Variants in PRKAG2 observed in about 807,000 individuals in gnomAD.
PRKAG2 encodes the protein 5'-AMP-activated protein kinase subunit gamma-2.
Under a neutral mutation model 69.6 loss-of-function variants are expected in PRKAG2, and 26 were observed. The observed-to-expected ratio is 0.37, with a 90% CI of 0.27 to 0.52. The LOEUF is 0.52. PRKAG2 is among the 20% of genes least tolerant of loss of function. The probability of loss-of-function intolerance (pLI) is 0.90; values close to 1 mark genes in which losing one functional copy is unlikely to be tolerated. For synonymous variants in PRKAG2, 293 were observed against 285.0 expected (o/e 1.03, Z -0.28); for missense variants, 557 against 740.0 (o/e 0.75, Z 2.87).
At chr7:151,717,169 C>A in intron 3 of PRKAG2, among the ~76,000 whole-genome samples, 1 of 151,600 alleles carries the variant, frequency 6.6e-6, no homozygotes, top group East Asian at 1.9e-4. Context: ...ATTGCTTAAG[C>A]CCGGGAGGTG....
intron 2 of PRKAG2, among the ~76,000 whole-genome samples, chr7:151,784,789 G>A (rs995712033): frequency 6.6e-6 from 1 of 152,226 alleles, no homozygotes; most frequent in Admixed American, 6.5e-5. Context: ...CGGGCATCCA[G>A]GGATCAGGCC....
At chr7:151,580,584 T>G (rs1314174475) in intron 6 of PRKAG2, among the ~76,000 whole-genome samples, 1 of 152,230 alleles carries the variant, frequency 6.6e-6, no homozygotes, top group African/African-American at 2.4e-5. Context: ...ATACATTTTT[T>G]GCATTGTTTG....
chr7:151,757,458 G>A (rs1000040839), intron 3 of PRKAG2, among the ~76,000 whole-genome samples: 2 of 152,176 alleles, frequency 1.3e-5, no homozygotes, highest in African/African-American at 4.8e-5. Flanking sequence ...CACAGTGCCC[G>A]CTCCAGGGTG....
intron 1 of PRKAG2, among the ~76,000 whole-genome samples, chr7:151,824,225 G>C (rs1313596454): frequency 6.6e-6 from 1 of 152,180 alleles, no homozygotes; most frequent in Non-Finnish European, 1.5e-5. Context: ...GACTTGGAAA[G>C]CTTCTTAGCT....
intron 1 of PRKAG2, among the ~76,000 whole-genome samples, chr7:151,787,298 G>A (rs999360397): frequency 4.6e-5 from 7 of 152,118 alleles, no homozygotes; most frequent in South Asian, 2.1e-4. Flanking sequence ...CTGTGTAGCC[G>A]TCACCACTGT....
intron 5 of PRKAG2, chr7:151,631,855 T>A: frequency 2.0e-6 from 1 of 493,362 alleles, no homozygotes; most frequent in Non-Finnish European, 3.8e-6. Context: ...GGAGCCTGGC[T>A]CGCGTCCCCT....
At chr7:151,689,589 G>A (rs1835332239) in intron 3 of PRKAG2, among the ~76,000 whole-genome samples, 1 of 152,178 alleles carries the variant, frequency 6.6e-6, no homozygotes, top group Non-Finnish European at 1.5e-5. Flanking sequence ...GACCGTCTGT[G>A]AGTGTGGTTC....
At chr7:151,572,814 C>T (rs1807906388) in intron 8 of PRKAG2, 105 bp from the exon 9 acceptor site, 1 of 764,506 alleles carries the variant, frequency 1.3e-6, no homozygotes, top group African/African-American at 1.8e-5. Flanking sequence ...TTTCTATTCG[C>T]AATTAGAAAA....
At chr7:151,652,703 G>A (rs530753698) in intron 4 of PRKAG2, among the ~76,000 whole-genome samples, 6 of 152,010 alleles carry the variant, frequency 3.9e-5, no homozygotes, top group South Asian at 2.1e-4. Flanking sequence ...TGGCATGATC[G>A]GGCTCACTGC....
At chr7:151,805,522 G>T (rs2078057805) in intron 1 of PRKAG2, among the ~76,000 whole-genome samples, 1 of 152,186 alleles carries the variant, frequency 6.6e-6, no homozygotes, top group African/African-American at 2.4e-5. Context: ...AGGTGATCTT[G>T]TGACTATGTA....
intron 4 of PRKAG2, among the ~76,000 whole-genome samples, chr7:151,656,185 T>C (rs1829385715): frequency 6.6e-6 from 1 of 152,222 alleles, no homozygotes; most frequent in Non-Finnish European, 1.5e-5. Flanking sequence ...ATCTAATGAA[T>C]GAGTCACGAA....
At chr7:151,558,668 TC>T (rs1804294957) in intron 15 of PRKAG2, 1 of 982,964 alleles carries the variant, frequency 1.0e-6, no homozygotes, top group Non-Finnish European at 1.2e-6. Flanking sequence ...CCTCAACAAA[TC>T]GTGTTGTATA....
intron 5 of PRKAG2, among the ~76,000 whole-genome samples, chr7:151,610,911 C>T (rs1421822683): frequency 1.3e-5 from 2 of 151,482 alleles, no homozygotes; most frequent in Admixed American, 1.3e-4. Flanking sequence ...ACCCCCATGC[C>T]TAACTAATTT....
At chr7:151,778,387 T>C (rs1403212787) in intron 3 of PRKAG2, among the ~76,000 whole-genome samples, 1 of 152,228 alleles carries the variant, frequency 6.6e-6, no homozygotes. Context: ...CAGAAGCAGA[T>C]GCTGGCACCA....
At chr7:151,785,076 C>T (rs974879756) in intron 2 of PRKAG2, among the ~76,000 whole-genome samples, 1 of 152,258 alleles carries the variant, frequency 6.6e-6, no homozygotes, top group Admixed American at 6.5e-5. Context: ...TGAATGCAAC[C>T]GGATGATTCC....
At chr7:151,651,176 T>C (rs1260914060) in intron 4 of PRKAG2, among the ~76,000 whole-genome samples, 1 of 152,264 alleles carries the variant, frequency 6.6e-6, no homozygotes, top group Non-Finnish European at 1.5e-5. Flanking sequence ...AGTGGTGTTA[T>C]TAAGAAATGC....
chr7:151,556,559 T>C lies in PRKAG2; in HGVS notation c.*642A>G, dbSNP rs933464909. The C allele has an allele frequency of 1.3e-5, 2 of 152,668 alleles. No individual in the cohort carries two copies. Among genetic ancestry groups the C allele is most frequent in the Non-Finnish European group, 2.9e-5 (2 of 68,190 alleles). The allele number at this position is 152,668 out of a possible 1,614,324, so 9.5% of individuals were successfully genotyped here. On this transcript the variant is annotated 3_prime_UTR_variant, in exon 16 of 16. Coordinates refer to ENST00000287878, the MANE Select transcript of PRKAG2 (RefSeq NM_016203.4). ...GTTTATTCATGGATGTGGTGAAGTT[T>C]ACTCCACCAAAAGATGTGTAAAAAA...
chr7:151,676,055 C>T (rs537291554), intron 3 of PRKAG2, among the ~76,000 whole-genome samples: 1 of 152,180 alleles, frequency 6.6e-6, no homozygotes, highest in African/African-American at 2.4e-5. Flanking sequence ...TTACACACAC[C>T]CTCCAGAGGC....
At chr7:151,575,985 ATT>A (rs34905653) in intron 7 of PRKAG2, among the ~76,000 whole-genome samples, 7 of 142,322 alleles carry the variant, frequency 4.9e-5, no homozygotes, top group Non-Finnish European at 3.1e-5. Flanking sequence ...AAAGCAAGGA[ATT>A]TTTTTTTTTT....
Sources: allele counts gnomAD v4.1 joint callset (sites outside exome capture counted in the v4.1 genomes callset), GRCh38; gene constraint gnomAD v4.1.1; transcripts MANE v1.5; gene names NCBI Gene and HGNC (gene_info 2026-07-23, HGNC 2026-07-21).